FAM163A: variants seen among roughly 807,000 people sequenced by gnomAD.
FAM163A encodes the protein family with sequence similarity 163 member A.
Under a neutral mutation model 12.0 loss-of-function variants are expected in FAM163A, and 7 were observed. The ratio of observed to expected loss-of-function variants is 0.58; its 90% CI spans 0.33 to 1.10. The LOEUF is 1.10. Ranked by LOEUF, FAM163A falls within the 50% of genes least tolerant of loss-of-function variation. The pLI is 0.03. For synonymous variants in FAM163A, 101 were observed against 91.0 expected, an observed-to-expected ratio of 1.11 and a Z score of -0.62; for missense variants, 202 against 218.6, an observed-to-expected ratio of 0.92 and a Z score of 0.48.
In FAM163A at chr1:179,813,805, C is replaced by T. The variant is rs1413507741; in HGVS notation, c.120C>T (p.Thr40=). The T allele has an allele frequency of 1.9e-6, 3 of 1,613,964 alleles. No homozygotes were observed. The highest frequency in any genetic ancestry group is 2.5e-6 in the Non-Finnish European group (3 of 1,180,016). The change falls in exon 5 of 5, where the codon ACC becomes ACT. Residue 40 remains threonine, a synonymous_variant. Coordinates refer to ENST00000341785, the MANE Select transcript of FAM163A (RefSeq NM_173509.3). ...ATTACTGCTGCAAGAAGAGCGGAAC[C>T]GAGGTTGCAGACGAGGAGGAGGAGC... ...LQYYCCKKSG[T]EVADEEEERE... is the part of the protein sequence containing the mutation.
chr1:179,806,334 T>A (rs553280932), intron 1 of FAM163A, among the ~76,000 whole-genome samples: 1 of 152,306 alleles, frequency 6.6e-6, no homozygotes, highest in Non-Finnish European at 1.5e-5. Flanking sequence ...CAGGTTAATG[T>A]GAATGAGAAC....
rs1217798348 is a variant in FAM163A at position 179,814,730 on chromosome 1, C to T, written c.*541C>T. 6.4e-6 allele frequency: 1 copy of T among 155,482 alleles called. No individual in the cohort carries two copies. Among genetic ancestry groups the T allele is most frequent in the Admixed American group, 6.2e-5 (1 of 16,022 alleles). The allele number at this position is 155,482 out of a possible 1,614,324, so 9.6% of individuals were successfully genotyped here. On this transcript the variant is annotated 3_prime_UTR_variant, in exon 5 of 5. Transcript: ENST00000341785. ...CGACTCCAACAGCTAGTTCACAGCC[C>T]AGCTTTGTACGTTGGTTACCATAGC...
rs200790225 is a variant in FAM163A at position 179,764,009 on chromosome 1, C to CAG, written c.-136+20597_-136+20598dup. ...AAGACTACACACACACAAAGAGAGA[C>CAG]AGAGAGAGAGAGTGCATGCTCTTTG... On this transcript the variant is annotated intron_variant, in intron 1 of 4. Transcript: ENST00000341785. Among the ~76,000 whole-genome samples the CAG allele has an allele frequency of 1.0e-3, 154 of 152,146 alleles. 2 individuals carry two copies. Among genetic ancestry groups the CAG allele is most frequent in the Admixed American group, 9.7e-3 (148 of 15,284 alleles).
At chr1:179,794,412 C>T (rs530220036) in intron 1 of FAM163A, among the ~76,000 whole-genome samples, 117 of 152,256 alleles carry the variant, frequency 7.7e-4, no homozygotes, top group Middle Eastern at 6.8e-3. Context: ...TGAATAATCA[C>T]CCTACTTAAA....
At chr1:179,786,269 G>C (rs1010977873) in intron 1 of FAM163A, among the ~76,000 whole-genome samples, 1 of 152,200 alleles carries the variant, frequency 6.6e-6, no homozygotes. Flanking sequence ...CCCTGGCTAG[G>C]CTTTTCTGAG....
At chr1:179,772,952 A>G in intron 1 of FAM163A, among the ~76,000 whole-genome samples, 1 of 150,672 alleles carries the variant, frequency 6.6e-6, no homozygotes, top group South Asian at 2.1e-4. Flanking sequence ...TCAGCTCCCC[A>G]CGTTTAAGCA....
At chr1:179,793,313 C>A (rs1379410243) in intron 1 of FAM163A, among the ~76,000 whole-genome samples, 1 of 151,856 alleles carries the variant, frequency 6.6e-6, no homozygotes, top group East Asian at 1.9e-4. Flanking sequence ...ACAACCAGTT[C>A]TTTAGCCAGA....
chr1:179,794,146 TA>T (rs958938584), intron 1 of FAM163A, among the ~76,000 whole-genome samples: 14 of 152,348 alleles, frequency 9.2e-5, no homozygotes, highest in Non-Finnish European at 1.9e-4. Flanking sequence ...CTGCTCAGCC[TA>T]ATGGCAGCAC....
At chr1:179,808,974 G>A (rs980620369) in intron 2 of FAM163A, among the ~76,000 whole-genome samples, 2 of 152,186 alleles carry the variant, frequency 1.3e-5, no homozygotes, top group African/African-American at 4.8e-5. Flanking sequence ...AGCCGTGGTA[G>A]CACATGCCTT....
chr1:179,735,794 C>T, the FAM163A span, among the ~76,000 whole-genome samples: 1 of 151,996 alleles, frequency 6.6e-6, no homozygotes, highest in African/African-American at 2.4e-5. Flanking sequence ...TGAGCCACCG[C>T]CCCCAGCCGA....
intron 1 of FAM163A, among the ~76,000 whole-genome samples, chr1:179,785,553 T>A (rs1246491526): frequency 6.6e-6 from 1 of 151,782 alleles, no homozygotes; most frequent in Non-Finnish European, 1.5e-5. Context: ...TTTGGGGGAG[T>A]GGGGAGGGGG....
chr1:179,771,041 C>A (rs1688203394), intron 1 of FAM163A, among the ~76,000 whole-genome samples: 1 of 152,150 alleles, frequency 6.6e-6, no homozygotes, highest in African/African-American at 2.4e-5. Flanking sequence ...AGAATCTATC[C>A]TGCTGCCCTC....
chr1:179,813,731 C>G, intron 4 of FAM163A, 48 bp from the exon 5 acceptor site: 1 of 1,602,924 alleles, frequency 6.2e-7, no homozygotes, highest in Non-Finnish European at 8.5e-7. Flanking sequence ...ATGCATGGGG[C>G]GGGGGGAGCA....
chr1:179,743,810 C>G (rs775011741), intron 1 of FAM163A, among the ~76,000 whole-genome samples: 19 of 152,164 alleles, frequency 1.2e-4, no homozygotes, highest in Non-Finnish European at 1.5e-5. Context: ...CTCTACTCAG[C>G]GTGTCTGCAG....
chr1:179,732,016 G>A, the FAM163A span, among the ~76,000 whole-genome samples: 85 of 152,264 alleles, frequency 5.6e-4, 1 homozygote, highest in South Asian at 0.016. Flanking sequence ...ACAGAAGGTC[G>A]CAACCATGTG....
At chr1:179,730,589 G>A in the FAM163A span, among the ~76,000 whole-genome samples, 10 of 152,274 alleles carry the variant, frequency 6.6e-5, no homozygotes, top group South Asian at 6.2e-4. Context: ...TGAAATTAAC[G>A]CCTTTGTTGT....
At chr1:179,793,485 A>G (rs1691815645) in intron 1 of FAM163A, among the ~76,000 whole-genome samples, 1 of 152,224 alleles carries the variant, frequency 6.6e-6, no homozygotes, top group African/African-American at 2.4e-5. Flanking sequence ...AAGCACAGAA[A>G]TGAGAAAAGC....
chr1:179,771,769 C>G (rs570715474), intron 1 of FAM163A, among the ~76,000 whole-genome samples: 11 of 152,098 alleles, frequency 7.2e-5, no homozygotes, highest in African/African-American at 2.4e-4. Context: ...TGCCAAATCC[C>G]CCCATGCCCA....
chr1:179,754,574 GATGAA>G (rs1476044340), intron 1 of FAM163A, among the ~76,000 whole-genome samples: 1 of 152,248 alleles, frequency 6.6e-6, no homozygotes, highest in Non-Finnish European at 1.5e-5. Flanking sequence ...AAGACGTAAA[GATGAA>G]ATGAACATCT....
Sources: gnomAD v4.1 joint callset for allele counts (sites outside exome capture counted in the v4.1 genomes callset) on GRCh38, gnomAD v4.1.1 for gene constraint, MANE v1.5 for transcripts, NCBI Gene and HGNC (gene_info 2026-07-23, HGNC 2026-07-21) for gene names.